TEF: variants seen among roughly 807,000 people sequenced by gnomAD.
TEF encodes TEF transcription factor, PAR bZIP family member, also known as thyrotroph embryonic factor.
TEF carries 3 observed loss-of-function variants against 20.8 expected under a neutral mutation model. That is an observed-to-expected ratio of 0.14 (90% CI 0.07 to 0.37). The LOEUF (loss-of-function observed/expected upper bound fraction) is 0.37. TEF is among the 10% of genes least tolerant of loss of function. TEF has a pLI of 1.00. For missense variants in TEF, 296 were observed against 397.9 expected, an observed-to-expected ratio of 0.74 and a Z score of 2.18; for synonymous variants, 180 against 171.1, an observed-to-expected ratio of 1.05 and a Z score of -0.41.
At position 41,381,951 on chromosome 22, in the gene TEF, G is replaced by C. The variant is rs1031303811; in HGVS notation, c.-94G>C. The C allele has an allele frequency of 2.2e-5, 27 of 1,227,252 alleles. No homozygotes were observed. Among genetic ancestry groups the C allele is most frequent in the Non-Finnish European group, 2.6e-5 (26 of 985,186 alleles). 76.0% of individuals were successfully genotyped at this position (1,227,252 alleles called of 1,614,324 possible). On this transcript the variant is annotated 5_prime_UTR_variant, in exon 1 of 4. Transcript: ENST00000266304. Reference sequence around the variant, plus strand: ...GCCATTGGGCGCCTGCGCAGTAGCTGCCCGTGTCGGCAGCTGCAGCGGGTC... The same window carrying C: ...GCCATTGGGCGCCTGCGCAGTAGCTCCCCGTGTCGGCAGCTGCAGCGGGTC...
chr22:41,382,681 T>C (rs2037049412), intron 1 of TEF, among the ~76,000 whole-genome samples: 2 of 152,068 alleles, frequency 1.3e-5, no homozygotes, highest in Admixed American at 6.5e-5. Flanking sequence ...GTACGTGGCC[T>C]TACCCCTCCC....
At chr22:41,376,033 A>G (rs940622811) in intron 1 of TEF, among the ~76,000 whole-genome samples, 1 of 152,178 alleles carries the variant, frequency 6.6e-6, no homozygotes, top group Admixed American at 6.5e-5. Context: ...AGTAAGCCAG[A>G]AAACAGAGTG....
chr22:41,389,257 C>T (rs1366919148), intron 2 of TEF, among the ~76,000 whole-genome samples: 1 of 151,930 alleles, frequency 6.6e-6, no homozygotes, highest in Non-Finnish European at 1.5e-5. Context: ...AAAAATTAGC[C>T]GGGTGTGGTG....
chr22:41,384,034 G>A (rs1039997232), intron 1 of TEF, among the ~76,000 whole-genome samples: 2 of 152,196 alleles, frequency 1.3e-5, no homozygotes, highest in African/African-American at 4.8e-5. Flanking sequence ...GTATTAGAAA[G>A]CCATGACCAA....
At position 41,396,229 on chromosome 22, in the gene TEF, C is replaced by T. The variant is rs143478818; in HGVS notation, c.*269C>T. 5.1e-4 allele frequency: 215 copies of T among 425,704 alleles called. No individual in the cohort carries two copies. The highest frequency in any genetic ancestry group is 4.1e-3 in the African/African-American group (205 of 50,344). 26.4% of individuals were successfully genotyped at this position (425,704 alleles called of 1,614,324 possible). On this transcript the variant is annotated 3_prime_UTR_variant, in exon 4 of 4. Transcript: ENST00000266304. ...GCCTTAGTTTCTATTCTTGGATGTC[C>T]CAGTTGAATCAGAAGGGGACCTCTG...
At chr22:41,386,704 T>C (rs931639130) in intron 1 of TEF, among the ~76,000 whole-genome samples, 1 of 151,092 alleles carries the variant, frequency 6.6e-6, no homozygotes, top group African/African-American at 2.4e-5. Flanking sequence ...GATTGCGCCA[T>C]TGTAAGCCAG....
intron 1 of TEF, among the ~76,000 whole-genome samples, chr22:41,385,229 G>A (rs940326718): frequency 6.6e-6 from 1 of 151,918 alleles, no homozygotes; most frequent in African/African-American, 2.4e-5. Context: ...GCATGGTAGC[G>A]CATGCCTGTA....
upstream of TEF, chr22:41,377,390 C>T (rs2036956334): frequency 6.6e-6 from 1 of 152,114 alleles, no homozygotes; most frequent in African/African-American, 2.4e-5. Context: ...CTTTTTTCCC[C>T]CTGAAAAGCC....
intron 1 of TEF, among the ~76,000 whole-genome samples, chr22:41,384,472 A>T (rs1220133605): frequency 6.6e-6 from 1 of 150,460 alleles, no homozygotes; most frequent in Non-Finnish European, 1.5e-5. Flanking sequence ...TCCTCCCAGA[A>T]AACCTGCCTT....
At chr22:41,387,317 G>T (rs758560833) in intron 1 of TEF, 34 bp from the exon 2 acceptor site, 2 of 1,611,058 alleles carry the variant, frequency 1.2e-6, no homozygotes, top group East Asian at 4.5e-5. Flanking sequence ...TTACTCTCCT[G>T]TGTGGTATTT....
At chr22:41,371,454 C>T (rs2036882015) in intron 1 of TEF, among the ~76,000 whole-genome samples, 1 of 152,176 alleles carries the variant, frequency 6.6e-6, no homozygotes, top group Non-Finnish European at 1.5e-5. Flanking sequence ...AGAGTCAGGC[C>T]ACAAATCCTA....
In TEF at chr22:41,382,210, G is replaced by GGGGGGGTGGTCCGCGCGGGCT. The variant is rs761300933; in HGVS notation, c.157+15_157+35dup. 8 of 1,226,850 alleles carry GGGGGGGTGGTCCGCGCGGGCT rather than the reference G, an allele frequency of 6.5e-6. No individual in the cohort carries two copies. The highest frequency in any genetic ancestry group is 6.4e-5 in the East Asian group (2 of 31,452). 76.0% of individuals were successfully genotyped at this position (1,226,850 alleles called of 1,614,324 possible). On this transcript the variant is annotated intron_variant, in intron 1 of 3. Coordinates refer to ENST00000266304, the MANE Select transcript of TEF (RefSeq NM_003216.4). ...GCGCGAGGCGCGCCTCGGTGAGGGCGGGGGGGTGGTCCGCGCGGGCTGGGG... is the reference window on the plus strand; with the variant it reads ...GCGCGAGGCGCGCCTCGGTGAGGGCGGGGGGGTGGTCCGCGCGGGCTGGGGGGTGGTCCGCGCGGGCTGGGG...
Position 41,394,134 on chromosome 22 carries a change from A to G in TEF, c.514A>G (p.Ile172Val). The change falls in exon 3 of 4, where the codon ATC becomes GTC. Residue 172 changes from isoleucine (I) to valine (V), a missense_variant. Transcript: ENST00000266304. ...LEKERETPSPIDPNCVEVDVN... is the reference protein window; with the variant it reads ...LEKERETPSPVDPNCVEVDVN... ...GAAGGAGAGGGAGACTCCCAGTCCC[A>G]TCGACCCCAATTGTGTGGAAGTGGA... is the stretch of plus-strand genomic sequence containing the variant. 6.2e-7 allele frequency: 1 copy of G among 1,614,094 alleles called. No homozygotes were observed. The highest frequency in any genetic ancestry group is 8.5e-7 in the Non-Finnish European group (1 of 1,180,010).
rs115639679 is a variant in TEF at position 41,383,652 on chromosome 22, C to T, written c.157+1451C>T. 4.9e-3 allele frequency among the ~76,000 whole-genome samples: 749 copies of T among 152,276 alleles called. 7 individuals carry two copies. Among genetic ancestry groups the T allele is most frequent in the African/African-American group, 0.017 (711 of 41,550 alleles). On this transcript the variant is annotated intron_variant, in intron 1 of 3. Coordinates refer to ENST00000266304, the MANE Select transcript of TEF (RefSeq NM_003216.4). ...CTTTCTACTGTATCATGCTGGCAGC[C>T]ACTGTTGCATGACCTGAGTGATGGA... is the stretch of plus-strand genomic sequence containing the variant.
chr22:41,382,395 G>T (rs1292105444), intron 1 of TEF, among the ~76,000 whole-genome samples, 194 bp downstream of exon 1: 1 of 152,056 alleles, frequency 6.6e-6, no homozygotes, highest in Non-Finnish European at 1.5e-5. Flanking sequence ...GGGCTGAGAC[G>T]GTGGGTCTGG....
chr22:41,391,525 A>C (rs1488271690), intron 2 of TEF, among the ~76,000 whole-genome samples: 1 of 151,568 alleles, frequency 6.6e-6, no homozygotes, highest in Non-Finnish European at 1.5e-5. Flanking sequence ...CGTATTGGTC[A>C]GGCTGGTCTC....
intron 1 of TEF, among the ~76,000 whole-genome samples, chr22:41,382,418 G>A (rs1044572665): frequency 3.9e-5 from 6 of 152,048 alleles, no homozygotes; most frequent in Admixed American, 6.5e-5. Flanking sequence ...GGAGAGGGTG[G>A]GGAGAGGTTT....
rs2037230391 is a variant in TEF at position 41,396,487 on chromosome 22, T to G, written c.*527T>G. 6.1e-6 allele frequency: 1 copy of G among 165,092 alleles called. No individual in the cohort carries two copies. The allele number at this position is 165,092 out of a possible 1,614,324, so 10.2% of individuals were successfully genotyped here. A position where few individuals can be genotyped will look rare whatever the true frequency, so the allele number is the denominator to read the frequency against. On this transcript the variant is annotated 3_prime_UTR_variant, in exon 4 of 4. Transcript: ENST00000266304. ...TTCCTTGGAAGCAGGACACACCAGC[T>G]CCTCCGTCAGTGTCTGCATGGGTAG...
intron 1 of TEF, among the ~76,000 whole-genome samples, chr22:41,370,569 C>G (rs908592658): frequency 1.3e-5 from 2 of 151,980 alleles, no homozygotes; most frequent in African/African-American, 4.8e-5. Context: ...CCCGCCACCA[C>G]GCCCGGCTAA....
Sources: allele counts gnomAD v4.1 joint callset (sites outside exome capture counted in the v4.1 genomes callset), GRCh38; gene constraint gnomAD v4.1.1; transcripts MANE v1.5; gene names NCBI Gene and HGNC (gene_info 2026-07-23, HGNC 2026-07-21).